The following BRF1 variants were observed in gnomAD, a reference collection of about 807,000 sequenced individuals.
BRF1 encodes transcription factor IIIB 90 kDa subunit.
A neutral mutation model predicts 81.7 loss-of-function variants in BRF1; 59 were observed. That is an observed-to-expected ratio of 0.72 (90% CI 0.59 to 0.90). BRF1 has a LOEUF of 0.90. BRF1 is among the 40% of genes least tolerant of loss of function. The probability of loss-of-function intolerance (pLI) is 0.00; values close to 1 mark genes in which losing one functional copy is unlikely to be tolerated. For missense variants in BRF1, 1,050 were observed against 936.3 expected (o/e 1.12, Z -1.58); for synonymous variants, 491 against 395.6 (o/e 1.24, Z -2.86).
intron 1 of BRF1, chr14:105,314,507 T>C (rs1390198871): frequency 1.4e-5 from 2 of 144,686 alleles, no homozygotes; most frequent in Admixed American, 6.8e-5. Context: ...GGCGCGTGAG[T>C]GCGCGCTCTC....
chr14:105,228,363 CA>C (rs1566815804), intron 7 of BRF1: 1 of 154,714 alleles, frequency 6.5e-6, no homozygotes. Flanking sequence ...CCAGCATGAC[CA>C]ACATGGTGAG....
chr14:105,307,370 C>T (rs1273086924), intron 1 of BRF1, among the ~76,000 whole-genome samples: 1 of 152,120 alleles, frequency 6.6e-6, no homozygotes, highest in Non-Finnish European at 1.5e-5. Context: ...CTGAAATGAC[C>T]CAGTTCTAAT....
At chr14:105,292,754 C>T (rs1009715062) in intron 1 of BRF1, among the ~76,000 whole-genome samples, 2 of 152,142 alleles carry the variant, frequency 1.3e-5, no homozygotes, top group African/African-American at 4.8e-5. Flanking sequence ...AGCACGGCAG[C>T]CCACACCCCT....
At chr14:105,219,458 G>T in intron 12 of BRF1, 1 of 954,010 alleles carries the variant, frequency 1.0e-6, no homozygotes, top group Non-Finnish European at 1.5e-6. Flanking sequence ...ACATGTGTGA[G>T]ACCCCCTAGG....
At chr14:105,246,821 T>C (rs975715425) in intron 5 of BRF1, 2 of 985,394 alleles carry the variant, frequency 2.0e-6, no homozygotes, top group South Asian at 4.7e-5. Context: ...TGAAAATTAT[T>C]ATTCACATGC....
chr14:105,307,829 T>C (rs2058233693), intron 1 of BRF1, among the ~76,000 whole-genome samples: 1 of 152,222 alleles, frequency 6.6e-6, no homozygotes, highest in Non-Finnish European at 1.5e-5. Context: ...TCCCTGTTCC[T>C]GTCTGTTCTC....
chr14:105,290,969 G>A (rs587710713), intron 1 of BRF1, among the ~76,000 whole-genome samples: 1 of 152,158 alleles, frequency 6.6e-6, no homozygotes, highest in East Asian at 1.9e-4. Context: ...TAACCCACAG[G>A]GAGGATGAAA....
At chr14:105,281,487 G>T (rs1237176424) in intron 2 of BRF1, among the ~76,000 whole-genome samples, 1 of 150,022 alleles carries the variant, frequency 6.7e-6, no homozygotes, top group Non-Finnish European at 1.5e-5. Context: ...GAGCCCAGGT[G>T]TGCGGATACA....
intron 12 of BRF1, 118 bp downstream of exon 12, chr14:105,219,949 ACC>A (rs1337153778): frequency 5.6e-6 from 6 of 1,067,314 alleles, no homozygotes; most frequent in Non-Finnish European, 8.3e-6. Context: ...AGCCCACTTC[ACC>A]CAGCGGGGTG....
Position 105,285,270 on chromosome 14 carries a change from G to A in BRF1, c.265+1026C>T, listed in dbSNP as rs141301394. On this transcript the variant is annotated intron_variant, in intron 2 of 17. Coordinates refer to ENST00000547530, the MANE Select transcript of BRF1 (RefSeq NM_001519.4). Reference sequence around the variant, plus strand: ...AGTTCCTGATTTCAAAACTGACTGCGAAGCTTCAGTGTCCTGAACAGCGTG... The same window carrying A: ...AGTTCCTGATTTCAAAACTGACTGCAAAGCTTCAGTGTCCTGAACAGCGTG... Among the ~76,000 whole-genome samples the A allele has an allele frequency of 1.4e-3, 220 of 152,328 alleles. 1 individual carries two copies. The highest frequency in any genetic ancestry group is 5.0e-3 in the African/African-American group (207 of 41,566).
intron 1 of BRF1, among the ~76,000 whole-genome samples, chr14:105,287,373 G>A (rs1327738492): frequency 6.6e-6 from 1 of 152,186 alleles, no homozygotes; most frequent in Non-Finnish European, 1.5e-5. Flanking sequence ...AGTAAGGTGA[G>A]GCCCCAGGCA....
chr14:105,286,334 T>G lies in BRF1; in HGVS notation c.227A>C (p.Asn76Thr), dbSNP rs2057314707. The change falls in exon 2 of 18, where the codon AAT becomes ACT. Residue 76 changes from asparagine (N) to threonine (T), a missense_variant. By Grantham distance (65) the Asn-to-Thr change is moderately conservative (BLOSUM62 0). Coordinates refer to ENST00000547530, the MANE Select transcript of BRF1 (RefSeq NM_001519.4). ...CTGCGCTCTCGACTCCTTCCCCAGA[T>G]TCACGTGGAAGCCGCCACCCAGAGT... ...TPTLGGGFHVNLGKESRAQTL... is the reference protein window; with the variant it reads ...TPTLGGGFHVTLGKESRAQTL... The G allele has an allele frequency of 6.2e-7, 1 of 1,613,778 alleles. No individual in the cohort carries two copies. Among genetic ancestry groups the G allele is most frequent in the Non-Finnish European group, 8.5e-7 (1 of 1,179,922 alleles).
chr14:105,215,273 C>T (rs984685442), intron 15 of BRF1, among the ~76,000 whole-genome samples: 2 of 152,000 alleles, frequency 1.3e-5, no homozygotes, highest in African/African-American at 4.8e-5. Flanking sequence ...TGCATGCACA[C>T]ACGTGTACAT....
chr14:105,298,690 A>G (rs1416975545), intron 1 of BRF1, among the ~76,000 whole-genome samples: 2 of 151,680 alleles, frequency 1.3e-5, no homozygotes, highest in Admixed American at 6.6e-5. Context: ...CCCTGTCTCT[A>G]CTAAAAATAC....
At chr14:105,212,598 G>A in intron 15 of BRF1, 1 of 167,932 alleles carries the variant, frequency 6.0e-6, no homozygotes, top group Non-Finnish European at 1.3e-5. Flanking sequence ...CACAGGGCCT[G>A]CTCGCCGGCC....
chr14:105,219,920 C>A, intron 12 of BRF1, 149 bp downstream of exon 12: 1 of 818,058 alleles, frequency 1.2e-6, no homozygotes, highest in Non-Finnish European at 1.9e-6. Context: ...GTCCCGGGAA[C>A]AGTGGCCAGA....
At chr14:105,293,989 G>A (rs1459868439) in intron 1 of BRF1, among the ~76,000 whole-genome samples, 1 of 152,240 alleles carries the variant, frequency 6.6e-6, no homozygotes, top group Non-Finnish European at 1.5e-5. Context: ...GAAGCTGGAG[G>A]AAGGGGCGGC....
intron 1 of BRF1, among the ~76,000 whole-genome samples, chr14:105,296,431 T>TGA (rs1216699808): frequency 6.6e-6 from 1 of 151,734 alleles, no homozygotes; most frequent in Non-Finnish European, 1.5e-5. Context: ...GAGAATGGCA[T>TGA]GAACCTGGGA....
intron 5 of BRF1, chr14:105,248,867 G>T: frequency 3.0e-6 from 3 of 989,300 alleles, no homozygotes; most frequent in Non-Finnish European, 3.6e-6. Context: ...CCCCGCCCGC[G>T]AAGATGGCGG....
Sources: gnomAD v4.1 joint callset for allele counts (sites outside exome capture counted in the v4.1 genomes callset) on GRCh38, gnomAD v4.1.1 for gene constraint, MANE v1.5 for transcripts, NCBI Gene and HGNC (gene_info 2026-07-23, HGNC 2026-07-21) for gene names.